The following CDC14B variants were observed in gnomAD, a reference collection of about 807,000 sequenced individuals.
CDC14B encodes dual specificity protein phosphatase CDC14B.
CDC14B carries 22 observed loss-of-function variants against 64.2 expected under a neutral mutation model. The observed-to-expected ratio is 0.34, with a 90% confidence interval of 0.24 to 0.49. The LOEUF is 0.49. Ranked by LOEUF, CDC14B falls within the 20% of genes least tolerant of loss-of-function variation. The probability of loss-of-function intolerance (pLI) is 0.99; values close to 1 mark genes in which losing one functional copy is unlikely to be tolerated. For missense variants in CDC14B, 498 were observed against 629.9 expected, an observed-to-expected ratio of 0.79 and a Z score of 2.24; for synonymous variants, 191 against 215.8, an observed-to-expected ratio of 0.89 and a Z score of 1.01.
At chr9:96,546,875 A>G (rs956288753) in intron 5 of CDC14B, among the ~76,000 whole-genome samples, 2 of 151,730 alleles carry the variant, frequency 1.3e-5, no homozygotes, top group Non-Finnish European at 2.9e-5. Flanking sequence ...ATCCTGGCTA[A>G]CACAGTGAAA....
At chr9:96,555,980 G>A (rs558362119) in intron 4 of CDC14B, among the ~76,000 whole-genome samples, 44 of 152,196 alleles carry the variant, frequency 2.9e-4, no homozygotes, top group African/African-American at 1.1e-3. Flanking sequence ...AGAAGCAACA[G>A]GATCCCAGCT....
intron 1 of CDC14B, among the ~76,000 whole-genome samples, chr9:96,594,836 C>G (rs1004687869): frequency 6.6e-6 from 1 of 151,236 alleles, no homozygotes; most frequent in African/African-American, 2.4e-5. Flanking sequence ...GGGCACTGAA[C>G]GGAGTACTCG....
At chr9:96,512,702 C>T (rs191638864) in intron 12 of CDC14B, among the ~76,000 whole-genome samples, 54 of 152,292 alleles carry the variant, frequency 3.5e-4, no homozygotes, top group African/African-American at 1.3e-3. Flanking sequence ...TAGAATTTTG[C>T]ATAAAACCAA....
At chr9:96,614,021 C>A (rs994998834) in intron 1 of CDC14B, among the ~76,000 whole-genome samples, 6 of 151,968 alleles carry the variant, frequency 3.9e-5, no homozygotes, top group Admixed American at 3.9e-4. Flanking sequence ...AATATATCAC[C>A]ATTAATTAGT....
intron 9 of CDC14B, among the ~76,000 whole-genome samples, chr9:96,525,205 A>G (rs1207099049): frequency 6.6e-6 from 1 of 152,008 alleles, no homozygotes; most frequent in African/African-American, 2.4e-5. Flanking sequence ...CTCTAAAGAG[A>G]TTACCTAGAC....
intron 1 of CDC14B, among the ~76,000 whole-genome samples, chr9:96,569,547 AAC>A (rs1456622888): frequency 7.9e-5 from 12 of 152,316 alleles, no homozygotes; most frequent in African/African-American, 2.9e-4. Context: ...TTGTTAGAGT[AAC>A]ACATCAATAA....
intron 1 of CDC14B, among the ~76,000 whole-genome samples, chr9:96,565,740 TAAAC>T: frequency 6.6e-6 from 1 of 152,364 alleles, no homozygotes; most frequent in Non-Finnish European, 1.5e-5. Context: ...ATATGACTTC[TAAAC>T]AAACCTATTT....
At chr9:96,607,413 CTTTTTT>C (rs999912549) in intron 1 of CDC14B, among the ~76,000 whole-genome samples, 41 of 66,352 alleles carry the variant, frequency 6.2e-4, no homozygotes, top group African/African-American at 2.1e-3. Flanking sequence ...AACGTGATGT[CTTTTTT>C]TTTTTTTTTT....
At position 96,571,170 on chromosome 9, in the gene CDC14B, GA is replaced by G. The variant is rs200946990; in HGVS notation, c.161-5688del. Among the ~76,000 whole-genome samples the G allele has an allele frequency of 1.2e-3, 180 of 147,988 alleles. 1 individual carries two copies. The highest frequency in any genetic ancestry group is 3.4e-3 in the Middle Eastern group (1 of 294). On this transcript the variant is annotated intron_variant, in intron 1 of 13. Transcript: ENST00000375241. ...TGTCAGACAACTATAAAATTATAAC[GA>G]AAAAAAAATTTTTTTTTTTTTTTGA...
chr9:96,618,621 G>A (rs183108635), intron 1 of CDC14B: 34 of 530,824 alleles, frequency 6.4e-5, no homozygotes, highest in Admixed American at 3.3e-4. Flanking sequence ...CCCGGGAGGC[G>A]GAGGCGTTCG....
intron 4 of CDC14B, among the ~76,000 whole-genome samples, chr9:96,560,497 G>C (rs1843000522): frequency 6.6e-6 from 1 of 151,770 alleles, no homozygotes; most frequent in Admixed American, 6.6e-5. Flanking sequence ...GACTGGCCAA[G>C]TAATAGGACC....
chr9:96,586,794 G>T (rs1254461603), intron 1 of CDC14B, among the ~76,000 whole-genome samples: 1 of 151,890 alleles, frequency 6.6e-6, no homozygotes, highest in Non-Finnish European at 1.5e-5. Context: ...ATGGAAATAG[G>T]GCCTAAGTTA....
intron 13 of CDC14B, among the ~76,000 whole-genome samples, chr9:96,505,000 C>T (rs1471614329): frequency 6.6e-6 from 1 of 152,070 alleles, no homozygotes; most frequent in Non-Finnish European, 1.5e-5. Flanking sequence ...ATGGTGAAAC[C>T]TCATCTCTAC....
intron 1 of CDC14B, among the ~76,000 whole-genome samples, chr9:96,616,183 G>A (rs59055281): frequency 0.023 from 3,459 of 151,854 alleles, 134 homozygotes; most frequent in African/African-American, 0.079. Flanking sequence ...AAAATTAGCC[G>A]GGCATGGTGG....
chr9:96,603,155 G>GAC (rs5899295), intron 1 of CDC14B, among the ~76,000 whole-genome samples: 19,086 of 138,004 alleles, frequency 0.14, 1,602 homozygotes, highest in East Asian at 0.34. Flanking sequence ...GATAGAAACG[G>GAC]ACACACACAC....
intron 1 of CDC14B, among the ~76,000 whole-genome samples, chr9:96,590,797 C>T (rs1481915717): frequency 1.3e-5 from 2 of 152,106 alleles, no homozygotes; most frequent in South Asian, 2.1e-4. Context: ...CTCCTGGGCT[C>T]ATGTGGTCCT....
Position 96,503,610 on chromosome 9 carries a change from G to A in CDC14B, c.*143C>T. The A allele has an allele frequency of 8.8e-6, 6 of 684,396 alleles. 1 individual carries two copies. The South Asian group carries it at 9.2e-5, about 10-fold the overall frequency. 42.4% of individuals were successfully genotyped at this position (684,396 alleles called of 1,614,324 possible). A position where few individuals can be genotyped will look rare whatever the true frequency, so the allele number is the denominator to read the frequency against. ...CAAAGTTCATTATTCAAACTCCAGT[G>A]GACATTTTCTCCATTGATCAACTTC... On this transcript the variant is annotated 3_prime_UTR_variant, in exon 14 of 14. Transcript: ENST00000375241.
rs776861577 is a variant in CDC14B, at chr9:96,501,773, T to C, written c.*1980A>G. On this transcript the variant is annotated 3_prime_UTR_variant, in exon 14 of 14. Coordinates refer to ENST00000375241, the MANE Select transcript of CDC14B (RefSeq NM_033331.4). The stretch of plus-strand genomic sequence containing the variant: ...GCTGTGGTTCCAGTGACACCCTTTC[T>C]TTTCTTGGACGAAACACCAGGAGGC... The C allele has an allele frequency of 6.6e-6, 1 of 152,196 alleles. No homozygotes were observed. Among genetic ancestry groups the C allele is most frequent in the Non-Finnish European group, 1.5e-5 (1 of 68,052 alleles). The allele number at this position is 152,196 out of a possible 1,614,324, so 9.4% of individuals were successfully genotyped here. A position where few individuals can be genotyped will look rare whatever the true frequency, so the allele number is the denominator to read the frequency against.
intron 1 of CDC14B, among the ~76,000 whole-genome samples, chr9:96,610,828 T>C (rs548519760): frequency 1.3e-5 from 2 of 152,288 alleles, no homozygotes; most frequent in Admixed American, 1.3e-4. Context: ...CAGAAACTAC[T>C]TTCAGTATTA....
Sources: gnomAD v4.1 joint callset for allele counts (sites outside exome capture counted in the v4.1 genomes callset) on GRCh38, gnomAD v4.1.1 for gene constraint, MANE v1.5 for transcripts, NCBI Gene and HGNC (gene_info 2026-07-23, HGNC 2026-07-21) for gene names.